TFEC: variants seen among roughly 807,000 people sequenced by gnomAD.
The protein encoded by TFEC is class E basic helix-loop-helix protein 34.
TFEC carries 31 observed loss-of-function variants against 41.6 expected under a neutral mutation model. The observed-to-expected ratio is 0.74, with a 90% CI of 0.56 to 1.01. TFEC has a LOEUF of 1.01. Ranked by LOEUF, TFEC falls within the 50% of genes least tolerant of loss-of-function variation. The pLI is 0.00. For missense variants in TFEC, 402 were observed against 404.1 expected (o/e 0.99, Z 0.04); for synonymous variants, 143 against 140.6 (o/e 1.02, Z -0.12).
chr7:115,978,723 T>C (rs1249527834), intron 2 of TFEC, among the ~76,000 whole-genome samples: 1 of 152,170 alleles, frequency 6.6e-6, no homozygotes, highest in Non-Finnish European at 1.5e-5. Flanking sequence ...GTTCTTATTT[T>C]ACTAGACTCA....
At chr7:115,988,738 C>A (rs1470930777) in intron 1 of TFEC, among the ~76,000 whole-genome samples, 2 of 151,510 alleles carry the variant, frequency 1.3e-5, no homozygotes, top group Non-Finnish European at 2.9e-5. Flanking sequence ...CAGAGAACAC[C>A]AAGCAGAACA....
intron 1 of TFEC, among the ~76,000 whole-genome samples, chr7:116,132,532 G>C (rs1444437737): frequency 6.6e-6 from 1 of 152,176 alleles, no homozygotes; most frequent in Non-Finnish European, 1.5e-5. Flanking sequence ...CCTAAGTAAA[G>C]TTGGCATTGT....
At chr7:116,024,489 T>A (rs952731108) in intron 1 of TFEC, among the ~76,000 whole-genome samples, 1 of 152,196 alleles carries the variant, frequency 6.6e-6, no homozygotes, top group Admixed American at 6.5e-5. Context: ...AATCTCAGTT[T>A]TCTTTTCTGA....
intron 3 of TFEC, among the ~76,000 whole-genome samples, chr7:115,969,075 A>G (rs917737384): frequency 4.0e-5 from 6 of 151,766 alleles, no homozygotes; most frequent in Admixed American, 3.9e-4. Flanking sequence ...GTATTCCTGA[A>G]TAGGAATTAT....
intron 1 of TFEC, among the ~76,000 whole-genome samples, chr7:116,142,653 A>G (rs1798564848): frequency 6.6e-6 from 1 of 152,140 alleles, no homozygotes; most frequent in Non-Finnish European, 1.5e-5. Context: ...TCATGTGCCC[A>G]GAGGGTCAAA....
chr7:115,945,093 CA>C (rs1208033157), intron 6 of TFEC, among the ~76,000 whole-genome samples: 2 of 145,468 alleles, frequency 1.4e-5, no homozygotes, highest in Non-Finnish European at 3.0e-5. Flanking sequence ...ACCTGTTCAA[CA>C]AGTTATTCAA....
intron 3 of TFEC, among the ~76,000 whole-genome samples, chr7:116,081,148 G>GT (rs1264254653): frequency 6.6e-6 from 1 of 151,808 alleles, no homozygotes; most frequent in Non-Finnish European, 1.5e-5. Context: ...GTTCTCACTC[G>GT]TAAGTGGGAG....
intron 3 of TFEC, among the ~76,000 whole-genome samples, chr7:116,055,608 C>T (rs1286063096): frequency 6.6e-6 from 1 of 151,794 alleles, no homozygotes; most frequent in Non-Finnish European, 1.5e-5. Flanking sequence ...ATAGATATTT[C>T]ATAAAATTTA....
chr7:115,954,626 A>G lies in TFEC; in HGVS notation c.399T>C (p.Ala133=). 6.2e-7 allele frequency: 1 copy of G among 1,611,850 alleles called. No individual in the cohort carries two copies. Among genetic ancestry groups the G allele is most frequent in the Non-Finnish European group, 8.5e-7 (1 of 1,178,968 alleles). ...CCTTTTTTTGTCTCTCTTTTGCTAA[A>G]GCTCTAGTGTCAGTTTCTGATCAAA... ...KREITETDTR[A]LAKERQKKDN... is the part of the protein sequence containing the mutation. Residue 133 remains alanine, a synonymous_variant, in exon 5 of 8, where the codon GCT becomes GCC. Coordinates refer to ENST00000265440, the MANE Select transcript of TFEC (RefSeq NM_012252.4).
chr7:115,988,276 G>C (rs1028168710), intron 1 of TFEC, among the ~76,000 whole-genome samples: 1 of 151,902 alleles, frequency 6.6e-6, no homozygotes, highest in South Asian at 2.1e-4. Context: ...TATCAGACCA[G>C]GATGAATTTT....
chr7:116,076,666 A>G (rs1238130021), intron 3 of TFEC, among the ~76,000 whole-genome samples: 4 of 152,042 alleles, frequency 2.6e-5, no homozygotes, highest in African/African-American at 9.7e-5. Context: ...AACAAGCAGA[A>G]GAAAGAATTT....
chr7:116,083,844 A>C (rs976464249), intron 3 of TFEC, among the ~76,000 whole-genome samples: 19 of 151,930 alleles, frequency 1.3e-4, no homozygotes, highest in African/African-American at 4.3e-4. Context: ...CTTGGCCATC[A>C]ATACTGCCAC....
chr7:116,152,472 A>G (rs1798781814), intron 1 of TFEC, among the ~76,000 whole-genome samples: 1 of 152,234 alleles, frequency 6.6e-6, no homozygotes, highest in Admixed American at 6.5e-5. Flanking sequence ...GGGTTCCCCT[A>G]GAGTCTTCAA....
intron 1 of TFEC, among the ~76,000 whole-genome samples, chr7:116,016,812 T>C (rs1300930578): frequency 6.6e-6 from 1 of 152,084 alleles, no homozygotes; most frequent in Non-Finnish European, 1.5e-5. Flanking sequence ...CTGTATTATA[T>C]ACTACTATGT....
chr7:116,045,494 T>G (rs1377613753), intron 3 of TFEC, among the ~76,000 whole-genome samples: 1 of 152,222 alleles, frequency 6.6e-6, no homozygotes, highest in Non-Finnish European at 1.5e-5. Flanking sequence ...CTTGGCAGCT[T>G]CCACTTGGTG....
At position 115,984,339 on chromosome 7, in the gene TFEC, T is replaced by C. The variant is rs371389310; in HGVS notation, c.103A>G (p.Ser35Gly). 3 of 1,614,032 alleles carry C rather than the reference T, an allele frequency of 1.9e-6. No homozygotes were observed. Among genetic ancestry groups the C allele is most frequent in the African/African-American group, 1.3e-5 (1 of 74,938 alleles). ...LVQHAHTTLDSDAGLTENPLT... is the reference protein window; with the variant it reads ...LVQHAHTTLDGDAGLTENPLT... ...GGGTTTTCTGTGAGGCCAGCATCAC[T>C]GTCCAGAGTTGTGTGTGCATGCTGC... The change falls in exon 2 of 8, where the codon AGT (serine) becomes GGT (glycine). Residue 35 changes from serine (S) to glycine (G), a missense_variant. Transcript: ENST00000265440.
chr7:116,111,836 G>A (rs998952669), intron 2 of TFEC, among the ~76,000 whole-genome samples: 1 of 151,962 alleles, frequency 6.6e-6, no homozygotes, highest in African/African-American at 2.4e-5. Flanking sequence ...AATTAATGCT[G>A]TAAGTTATAT....
At chr7:116,044,352 G>A (rs1796111668) in intron 3 of TFEC, among the ~76,000 whole-genome samples, 1 of 152,092 alleles carries the variant, frequency 6.6e-6, no homozygotes, top group Admixed American at 6.6e-5. Context: ...ATGGGAGTGG[G>A]CACGTGCTCT....
rs567517853 is a variant in TFEC, at chr7:116,153,446, G to A, written c.-69+6344C>T. ...ATTTTTGTATTTTTAGTAGAGACGG[G>A]TTTTTACCGTGTTGGTCAGGCTGGT... On this transcript the variant is annotated intron_variant, in intron 1 of 8. Coordinates refer to the TFEC transcript ENST00000484212. 2.6e-5 allele frequency among the ~76,000 whole-genome samples: 4 copies of A among 152,206 alleles called. No individual in the cohort carries two copies. The South Asian group carries it at 8.3e-4, about 32-fold the overall frequency.
Sources: gnomAD v4.1 joint callset for allele counts (sites outside exome capture counted in the v4.1 genomes callset) on GRCh38, gnomAD v4.1.1 for gene constraint, MANE v1.5 for transcripts, NCBI Gene and HGNC (gene_info 2026-07-23, HGNC 2026-07-21) for gene names.